Variants in PNLDC1 observed in about 807,000 individuals in gnomAD.
PNLDC1 encodes poly(A)-specific ribonuclease PNLDC1.
Under a neutral mutation model 82.0 loss-of-function variants are expected in PNLDC1, and 70 were observed. The ratio of observed to expected loss-of-function variants is 0.85; its 90% CI spans 0.70 to 1.04. The LOEUF is 1.04. PNLDC1 is among the 50% of genes least tolerant of loss of function. The pLI, the probability that PNLDC1 is intolerant of heterozygous loss-of-function variation, is 0.00. For synonymous variants in PNLDC1, 280 were observed against 249.3 expected (o/e 1.12, Z -1.16); for missense variants, 631 against 661.1 (o/e 0.95, Z 0.50).
In PNLDC1 at chr6:159,800,680, C is replaced by G; in HGVS notation, c.77-92C>G. 3 of 1,613,814 alleles carry G rather than the reference C, an allele frequency of 1.9e-6. No individual in the cohort carries two copies. In the South Asian group the frequency reaches 3.3e-5, roughly 18 times the overall value. ...TTGGCTTCTTGAGCGCAGAGGTGAG[C>G]GCGGGTGCCTTGGCCGCCTGCAGAT... On this transcript the variant is annotated intron_variant, in intron 1 of 18. Coordinates refer to ENST00000392167, the MANE Select transcript of PNLDC1 (RefSeq NM_001271862.2).
chr6:159,816,960 C>A, intron 14 of PNLDC1, 149 bp from the exon 15 acceptor site: 1 of 810,788 alleles, frequency 1.2e-6, no homozygotes, highest in Non-Finnish European at 2.0e-6. Flanking sequence ...CCACCACACC[C>A]AGCTGGAGAC....
Position 159,808,161 on chromosome 6 carries a change from T to C in PNLDC1, c.563-579T>C, listed in dbSNP as rs564605673. On this transcript the variant is annotated intron_variant, in intron 7 of 18. Coordinates refer to ENST00000392167, the MANE Select transcript of PNLDC1 (RefSeq NM_001271862.2). ...ACTCCTGACCTCAGGTGATCCGCCC[T>C]CCTCAGCCTCCAAAAGTGCTGGGAT... Among the ~76,000 whole-genome samples the C allele has an allele frequency of 1.1e-4, 17 of 152,158 alleles. No individual in the cohort carries two copies. In the South Asian group the frequency reaches 3.5e-3, roughly 32 times the overall value.
chr6:159,801,346 T>G (rs538060743), intron 3 of PNLDC1, among the ~76,000 whole-genome samples, 160 bp downstream of exon 3: 1 of 152,370 alleles, frequency 6.6e-6, no homozygotes, highest in South Asian at 2.1e-4. Context: ...AAATCAACAC[T>G]TCGGAGCAAA....
chr6:159,801,652 G>C (rs11756324), intron 3 of PNLDC1, among the ~76,000 whole-genome samples: 72,262 of 151,330 alleles, frequency 0.48, 18,060 homozygotes, highest in Non-Finnish European at 0.55. Flanking sequence ...CGTCATGTTG[G>C]CCAGGCTGTT....
chr6:159,804,533 C>G lies in PNLDC1; in HGVS notation c.373-16C>G, dbSNP rs201094389. ...TTGTCTCCTTGTTCTGTTTGTTGTTCTGTTTCTGTCTTAAGTTTCTCAAAA... is the reference window on the plus strand; with the variant it reads ...TTGTCTCCTTGTTCTGTTTGTTGTTGTGTTTCTGTCTTAAGTTTCTCAAAA... On this transcript the variant is annotated splice_polypyrimidine_tract_variant and intron_variant, in intron 5 of 18. Transcript: ENST00000392167. The G allele has an allele frequency of 5.2e-5, 79 of 1,524,672 alleles. No homozygotes were observed. Among genetic ancestry groups the G allele is most frequent in the Non-Finnish European group, 6.4e-6 (7 of 1,099,722 alleles). The allele number at this position is 1,524,672 out of a possible 1,614,324, so 94.4% of individuals were successfully genotyped here.
At chr6:159,803,866 T>G in intron 4 of PNLDC1, 99 bp from the exon 5 acceptor site, 1 of 1,328,368 alleles carries the variant, frequency 7.5e-7, no homozygotes, top group Non-Finnish European at 1.0e-6. Flanking sequence ...ACTCAGATTC[T>G]TCTTGCCTAA....
Position 159,819,117 on chromosome 6 carries a change from A to G in PNLDC1, c.1429A>G (p.Lys477Glu). The change falls in exon 17 of 19, where the codon AAG becomes GAG. Residue 477 changes from lysine (K) to glutamate (E), a missense_variant. Transcript: ENST00000392167. This position sits in a 1 kb window ranked among gnomAD's most constrained non-coding sequence, Gnocchi z 4.6. Reference protein sequence around the residue: ...SQFLLLTNKFKDARNILKEYR... With the variant: ...SQFLLLTNKFEDARNILKEYR... ...GTTCTTACTCCTGACCAATAAGTTTAAGGAGTAGGTGCCTCTAAGTCCGCG... is the reference window on the plus strand; with the variant it reads ...GTTCTTACTCCTGACCAATAAGTTTGAGGAGTAGGTGCCTCTAAGTCCGCG... 6.2e-7 allele frequency: 1 copy of G among 1,613,846 alleles called. No homozygotes were observed. Among genetic ancestry groups the G allele is most frequent in the African/African-American group, 1.3e-5 (1 of 74,980 alleles).
intron 15 of PNLDC1, 98 bp downstream of exon 15, chr6:159,817,249 C>A: frequency 1.8e-6 from 2 of 1,128,256 alleles, no homozygotes; most frequent in African/African-American, 1.5e-5. Flanking sequence ...AGGGTTCTAC[C>A]AAAGAAGGGA....
intron 3 of PNLDC1, among the ~76,000 whole-genome samples, chr6:159,802,788 G>T (rs989344999): frequency 6.6e-6 from 1 of 152,014 alleles, no homozygotes. Flanking sequence ...TCACCATGTT[G>T]GTCAGGCTGG....
chr6:159,804,530 G>T lies in PNLDC1; in HGVS notation c.373-19G>T, dbSNP rs1349819123. Reference sequence around the variant, plus strand: ...GACTTGTCTCCTTGTTCTGTTTGTTGTTCTGTTTCTGTCTTAAGTTTCTCA... The same window carrying T: ...GACTTGTCTCCTTGTTCTGTTTGTTTTTCTGTTTCTGTCTTAAGTTTCTCA... On this transcript the variant is annotated intron_variant, in intron 5 of 18. Transcript: ENST00000392167. 1 of 1,515,146 alleles carries T rather than the reference G, an allele frequency of 6.6e-7. No individual in the cohort carries two copies. Among genetic ancestry groups the T allele is most frequent in the Non-Finnish European group, 9.2e-7 (1 of 1,091,124 alleles). The allele number at this position is 1,515,146 out of a possible 1,614,324, so 93.9% of individuals were successfully genotyped here.
intron 6 of PNLDC1, 24 bp downstream of exon 6, chr6:159,804,661 CTT>C: frequency 6.5e-7 from 1 of 1,537,284 alleles, no homozygotes; most frequent in Non-Finnish European, 9.0e-7. Context: ...CTCCAGGTGC[CTT>C]TTTGTTTCCT....
At chr6:159,815,422 C>G (rs574044672) in intron 12 of PNLDC1, among the ~76,000 whole-genome samples, 274 of 152,374 alleles carry the variant, frequency 1.8e-3, no homozygotes, top group Non-Finnish European at 3.1e-3. Context: ...TCCCTTCACA[C>G]AAAGGCTTCA....
At position 159,808,740 on chromosome 6, in the gene PNLDC1, GCTT is replaced by G. The variant is rs749895216; in HGVS notation, c.565_567del (p.Phe189del). On this transcript the variant is annotated inframe_deletion and splice_region_variant, in exon 8 of 19. Transcript: ENST00000392167. ...GTGCCCCTGTGTTTCCCTGCTGCAG[GCTT>G]CCAGGCCTTTGAGGTCCAACTGGTG... 614 of 1,613,294 alleles carry G rather than the reference GCTT, an allele frequency of 3.8e-4. No homozygotes were observed. Among genetic ancestry groups the G allele is most frequent in the Non-Finnish European group, 4.7e-4 (559 of 1,179,734 alleles).
intron 6 of PNLDC1, among the ~76,000 whole-genome samples, chr6:159,805,478 G>T (rs1781413872): frequency 6.6e-6 from 1 of 152,180 alleles, no homozygotes; most frequent in Non-Finnish European, 1.5e-5. Context: ...ATATAAAAAT[G>T]TAGCTTTTTG....
intron 15 of PNLDC1, among the ~76,000 whole-genome samples, 198 bp from the exon 16 acceptor site, chr6:159,818,357 A>C (rs574479850): frequency 6.6e-6 from 1 of 152,152 alleles, no homozygotes; most frequent in East Asian, 1.9e-4. Context: ...CTCTTCTTCT[A>C]TGTGGCCACG....
intron 7 of PNLDC1, 116 bp downstream of exon 7, chr6:159,806,199 T>C (rs984207082): frequency 6.6e-6 from 5 of 757,514 alleles, no homozygotes; most frequent in Admixed American, 4.0e-5. Context: ...GCCTCATGAC[T>C]GAGTCTGATG....
At chr6:159,803,127 T>G in intron 3 of PNLDC1, 144 bp from the exon 4 acceptor site, 1 of 619,204 alleles carries the variant, frequency 1.6e-6, no homozygotes, top group Non-Finnish European at 2.8e-6. Context: ...TGTCTTTTCT[T>G]TTTTGTCATT....
In PNLDC1 at chr6:159,803,904, C is replaced by T. The variant is rs1781352232; in HGVS notation, c.249-61C>T. 3.8e-6 allele frequency: 6 copies of T among 1,560,250 alleles called. No individual in the cohort carries two copies. The Admixed American group carries it at 1.2e-4, about 31-fold the overall frequency. ...GAAAGAGCCCACCCTGAAGCCAGCC[C>T]TGGGAGCCAGAGTTTTTTAAATGGT... On this transcript the variant is annotated intron_variant, in intron 4 of 18. Transcript: ENST00000392167.
chr6:159,808,077 C>G (rs1438244551), intron 7 of PNLDC1, among the ~76,000 whole-genome samples: 4 of 152,134 alleles, frequency 2.6e-5, no homozygotes, highest in African/African-American at 9.7e-5. Context: ...CCATGCCTGG[C>G]TAATTTCTGT....
Sources: gnomAD v4.1 joint callset for allele counts (sites outside exome capture counted in the v4.1 genomes callset) on GRCh38, gnomAD v4.1.1 for gene constraint, Gnocchi (gnomAD v3.1) non-coding constraint, MANE v1.5 for transcripts, NCBI Gene and HGNC (gene_info 2026-07-23, HGNC 2026-07-21) for gene names.